Variants in AAK1 observed in about 807,000 individuals in gnomAD.
AAK1 encodes AP2-associated protein kinase 1.
A neutral mutation model predicts 116.0 loss-of-function variants in AAK1; 37 were observed. The observed-to-expected ratio is 0.32, with a 90% CI of 0.25 to 0.42. The LOEUF is 0.42. AAK1 is among the 10% of genes least tolerant of loss of function. The pLI is 1.00. For synonymous variants in AAK1, 458 were observed against 439.9 expected (o/e 1.04, Z -0.51); for missense variants, 919 against 1,170.6 (o/e 0.79, Z 3.14).
chr2:69,523,817 G>A (rs536480015), intron 10 of AAK1, among the ~76,000 whole-genome samples: 1 of 152,356 alleles, frequency 6.6e-6, no homozygotes, highest in South Asian at 2.1e-4. Flanking sequence ...TAGGAGATGA[G>A]GGACTATCTG....
At chr2:69,632,845 A>G (rs1169902051) in intron 2 of AAK1, among the ~76,000 whole-genome samples, 2 of 151,976 alleles carry the variant, frequency 1.3e-5, no homozygotes, top group Non-Finnish European at 2.9e-5. Flanking sequence ...CGTCCTGGCT[A>G]TCACGGTGAA....
In AAK1 at chr2:69,643,194, G is replaced by T; in HGVS notation, c.-154C>A. The T allele has an allele frequency of 2.8e-6, 4 of 1,433,666 alleles. No homozygotes were observed. Among genetic ancestry groups the T allele is most frequent in the Non-Finnish European group, 3.6e-6 (4 of 1,102,770 alleles). The allele number at this position is 1,433,666 out of a possible 1,614,324, so 88.8% of individuals were successfully genotyped here. A position where few individuals can be genotyped will look rare whatever the true frequency, so the allele number is the denominator to read the frequency against. On this transcript the variant is annotated 5_prime_UTR_variant, in exon 2 of 22. Transcript: ENST00000409085. ...CCGGCCGTGGGGGTGGGGGCTGAGG[G>T]AGGATGCCTATAGGAATATGCGTGT...
intron 9 of AAK1, 84 bp downstream of exon 9, chr2:69,527,132 A>G: frequency 1.0e-6 from 1 of 995,580 alleles, no homozygotes; most frequent in South Asian, 1.4e-5. Flanking sequence ...ATCTAAATTC[A>G]TTTAAACAGC....
chr2:69,638,853 G>A (rs1675568598), intron 2 of AAK1, among the ~76,000 whole-genome samples: 1 of 152,144 alleles, frequency 6.6e-6, no homozygotes, highest in African/African-American at 2.4e-5. Context: ...CCACGCTTAA[G>A]TGCTGGACAC....
Position 69,468,029 on chromosome 2 carries a change from G to C in AAK1, c.*7840C>G, listed in dbSNP as rs1024443357. 8.1e-6 allele frequency: 8 copies of C among 985,210 alleles called. No individual in the cohort carries two copies. The African/African-American group carries it at 1.4e-4, about 17-fold the overall frequency. The allele number at this position is 985,210 out of a possible 1,614,324, so 61.0% of individuals were successfully genotyped here. On this transcript the variant is annotated 3_prime_UTR_variant, in exon 22 of 22. Coordinates refer to ENST00000409085, the MANE Select transcript of AAK1 (RefSeq NM_014911.5). Reference sequence around the variant, plus strand: ...TTTTCCTTTCTAACAGTTTGAATGCGTTCAGTGAATTCCAGATTGGGGCGT... The same window carrying C: ...TTTTCCTTTCTAACAGTTTGAATGCCTTCAGTGAATTCCAGATTGGGGCGT...
chr2:69,609,854 C>T (rs1673991345), intron 2 of AAK1, among the ~76,000 whole-genome samples: 1 of 151,858 alleles, frequency 6.6e-6, no homozygotes. Context: ...TCGAGACCAT[C>T]CTGACTAACA....
intron 3 of AAK1, among the ~76,000 whole-genome samples, chr2:69,548,422 CTTTTCTTTCG>C (rs1401183227): frequency 6.6e-6 from 1 of 152,058 alleles, no homozygotes; most frequent in Non-Finnish European, 1.5e-5. Context: ...TCCTTCTTTT[CTTTTCTTTCG>C]TTTTCTTTGT....
rs367975370 is a variant in AAK1 at position 69,524,255 on chromosome 2, T to A, written c.1055+778A>T. ...TGTTTAGGATATTTTTTACATTTTT[T>A]AAAAAGAGATAGGGTCTCACTGTAT... On this transcript the variant is annotated intron_variant, in intron 10 of 21. Transcript: ENST00000409085. Among the ~76,000 whole-genome samples, 339 of 152,216 alleles carry A rather than the reference T, an allele frequency of 2.2e-3. 1 individual carries two copies. The highest frequency in any genetic ancestry group is 7.3e-3 in the African/African-American group (304 of 41,532).
At chr2:69,637,506 C>A (rs1425440842) in intron 2 of AAK1, among the ~76,000 whole-genome samples, 1 of 152,182 alleles carries the variant, frequency 6.6e-6, no homozygotes, top group Non-Finnish European at 1.5e-5. Flanking sequence ...GTTCTTTCCA[C>A]CACACCAAAA....
Position 69,468,796 on chromosome 2 carries a change from A to C in AAK1, c.*7073T>G. The C allele has an allele frequency of 5.1e-6, 5 of 985,412 alleles. No homozygotes were observed. Among genetic ancestry groups the C allele is most frequent in the South Asian group, 9.4e-5 (2 of 21,288 alleles). 61.0% of individuals were successfully genotyped at this position (985,412 alleles called of 1,614,324 possible). ...CCAAGGGGTGTGTGTATGTGCCCAT[A>C]TTCAGGGTTGGAGAGGATGGAAGAA... is the stretch of plus-strand genomic sequence containing the variant. On this transcript the variant is annotated 3_prime_UTR_variant, in exon 22 of 22. Coordinates refer to ENST00000409085, the MANE Select transcript of AAK1 (RefSeq NM_014911.5).
chr2:69,587,455 G>A (rs1440979256), intron 2 of AAK1, among the ~76,000 whole-genome samples: 2 of 144,526 alleles, frequency 1.4e-5, no homozygotes, highest in Non-Finnish European at 3.0e-5. Context: ...ATGTATATAT[G>A]TGTGTGTATA....
In AAK1 at chr2:69,461,852, A is replaced by G; in HGVS notation, c.*14017T>C. ...AGTGATCCACCCACCTCGGCCTCCCAAAGTGCTGGGATTACAAGCGTGAGC... is the reference window on the plus strand; with the variant it reads ...AGTGATCCACCCACCTCGGCCTCCCGAAGTGCTGGGATTACAAGCGTGAGC... On this transcript the variant is annotated 3_prime_UTR_variant, in exon 22 of 22. Coordinates refer to ENST00000409085, the MANE Select transcript of AAK1 (RefSeq NM_014911.5). The G allele has an allele frequency of 4.3e-6, 1 of 231,046 alleles. No individual in the cohort carries two copies. The highest frequency in any genetic ancestry group is 4.2e-5 in the South Asian group (1 of 23,790). 14.3% of individuals were successfully genotyped at this position (231,046 alleles called of 1,614,324 possible).
intron 2 of AAK1, among the ~76,000 whole-genome samples, chr2:69,587,266 T>C (rs567517636): frequency 6.7e-6 from 1 of 149,118 alleles, no homozygotes; most frequent in South Asian, 2.2e-4. Context: ...TATATACACA[T>C]GTGTATATAT....
chr2:69,558,818 C>G (rs1426553405), intron 2 of AAK1, among the ~76,000 whole-genome samples: 6 of 152,174 alleles, frequency 3.9e-5, no homozygotes, highest in African/African-American at 1.4e-4. Flanking sequence ...AGAAATAAAG[C>G]CTCGGGTCCT....
In AAK1 at chr2:69,472,711, G is replaced by T. The variant is rs1674721901; in HGVS notation, c.*3158C>A. ...CTATAGTTACTCCTCTTACATAGCT[G>T]GAATAAAAGCAAATCAGAAACATAT... On this transcript the variant is annotated 3_prime_UTR_variant, in exon 22 of 22. Transcript: ENST00000409085. The T allele has an allele frequency of 2.0e-6, 2 of 985,212 alleles. No individual in the cohort carries two copies. Among genetic ancestry groups the T allele is most frequent in the African/African-American group, 3.5e-5 (2 of 57,214 alleles). 61.0% of individuals were successfully genotyped at this position (985,212 alleles called of 1,614,324 possible).
chr2:69,465,375 G>A lies in AAK1; in HGVS notation c.*10494C>T, dbSNP rs143256701. 4.9e-5 allele frequency: 60 copies of A among 1,215,250 alleles called. No homozygotes were observed. In the East Asian group the frequency reaches 2.5e-3, roughly 51 times the overall value. The allele number at this position is 1,215,250 out of a possible 1,614,324, so 75.3% of individuals were successfully genotyped here. On this transcript the variant is annotated 3_prime_UTR_variant, in exon 22 of 22. Transcript: ENST00000409085. ...AGGCTAAGCTGGGAGTGCCATGGCGGGTATTGAGGGTGGGATAGAGACAAG... is the reference window on the plus strand; with the variant it reads ...AGGCTAAGCTGGGAGTGCCATGGCGAGTATTGAGGGTGGGATAGAGACAAG...
intron 5 of AAK1, among the ~76,000 whole-genome samples, chr2:69,541,714 C>A (rs1312644073): frequency 1.3e-5 from 2 of 152,102 alleles, no homozygotes; most frequent in African/African-American, 4.8e-5. Context: ...GATGTCACTA[C>A]CAAAATTTTG....
intron 2 of AAK1, among the ~76,000 whole-genome samples, chr2:69,561,910 T>C (rs547413007): frequency 2.4e-4 from 36 of 152,350 alleles, no homozygotes; most frequent in African/African-American, 8.4e-4. Flanking sequence ...CATCGTTCCA[T>C]GTAGTTTTTG....
At chr2:69,533,796 A>T (rs1416663400) in intron 5 of AAK1, among the ~76,000 whole-genome samples, 1 of 152,186 alleles carries the variant, frequency 6.6e-6, no homozygotes, top group African/African-American at 2.4e-5. Context: ...GGTAGTTTGA[A>T]CTACAGCCAT....
Sources: allele counts gnomAD v4.1 joint callset (sites outside exome capture counted in the v4.1 genomes callset), GRCh38; gene constraint gnomAD v4.1.1; transcripts MANE v1.5; gene names NCBI Gene and HGNC (gene_info 2026-07-23, HGNC 2026-07-21).